Variants in CDH13 observed in about 807,000 individuals in gnomAD.
CDH13 encodes the protein cadherin 13, also known as cadherin-13.
In CDH13, 24 loss-of-function variants were observed where a neutral mutation model predicts 63.8. The ratio of observed to expected loss-of-function variants is 0.38; its 90% CI spans 0.27 to 0.53. CDH13 has a LOEUF of 0.53. CDH13 is among the 20% of genes least tolerant of loss of function. The pLI is 0.85. For missense variants in CDH13, 1,049 were observed against 903.1 expected (o/e 1.16, Z -2.07); for synonymous variants, 503 against 355.3 (o/e 1.42, Z -4.67).
chr16:82,942,403 A>G (rs1904299876), intron 2 of CDH13, among the ~76,000 whole-genome samples: 1 of 152,198 alleles, frequency 6.6e-6, no homozygotes, highest in Non-Finnish European at 1.5e-5. Flanking sequence ...AATTTTAATC[A>G]TCTTCCTTTT....
intron 7 of CDH13, among the ~76,000 whole-genome samples, chr16:83,557,590 G>A (rs905106437): frequency 1.3e-5 from 2 of 152,086 alleles, no homozygotes; most frequent in African/African-American, 2.4e-5. Context: ...TCTAAAAGTC[G>A]GCCATCAGGC....
intron 2 of CDH13, among the ~76,000 whole-genome samples, chr16:82,887,110 T>C (rs1372022947): frequency 6.6e-6 from 1 of 152,180 alleles, no homozygotes; most frequent in Non-Finnish European, 1.5e-5. Context: ...GATTTCTCTT[T>C]AATATAGGGA....
intron 7 of CDH13, among the ~76,000 whole-genome samples, chr16:83,494,716 T>G (rs1387273816): frequency 6.6e-6 from 1 of 152,204 alleles, no homozygotes; most frequent in Non-Finnish European, 1.5e-5. Flanking sequence ...ACACTTAGAT[T>G]AAGGCAAACT....
chr16:82,835,748 G>T (rs2038741073), intron 1 of CDH13, among the ~76,000 whole-genome samples: 1 of 152,194 alleles, frequency 6.6e-6, no homozygotes, highest in South Asian at 2.1e-4. Flanking sequence ...ACAGGAGGAA[G>T]CCAGAAGTGC....
chr16:83,099,443 C>T (rs1036951168), intron 3 of CDH13, among the ~76,000 whole-genome samples: 17 of 151,680 alleles, frequency 1.1e-4, no homozygotes, highest in Non-Finnish European at 5.9e-5. Context: ...CCTGCCTCAG[C>T]CTCCAGAGTA....
chr16:82,700,640 C>A (rs1173353886), intron 1 of CDH13, among the ~76,000 whole-genome samples: 1 of 152,038 alleles, frequency 6.6e-6, no homozygotes, highest in Non-Finnish European at 1.5e-5. Context: ...CTCAGGTTTT[C>A]AGTCCTGTCC....
At chr16:82,789,722 A>G (rs2036194835) in intron 1 of CDH13, among the ~76,000 whole-genome samples, 1 of 152,162 alleles carries the variant, frequency 6.6e-6, no homozygotes, top group Admixed American at 6.5e-5. Flanking sequence ...CTATTTTTAC[A>G]CAGTGTGAAG....
chr16:82,937,864 T>C (rs571480267), intron 2 of CDH13, among the ~76,000 whole-genome samples: 3 of 152,318 alleles, frequency 2.0e-5, no homozygotes, highest in African/African-American at 7.2e-5. Context: ...TCTAAACAGC[T>C]GATTAAAGTA....
intron 3 of CDH13, among the ~76,000 whole-genome samples, chr16:83,118,989 A>G (rs142495760): frequency 5.5e-4 from 84 of 152,208 alleles, no homozygotes; most frequent in Non-Finnish European, 9.9e-4. Flanking sequence ...ACTTCTTTCC[A>G]TAGCTCTCCT....
At chr16:82,805,359 A>G (rs2037089044) in intron 1 of CDH13, among the ~76,000 whole-genome samples, 1 of 152,202 alleles carries the variant, frequency 6.6e-6, no homozygotes, top group South Asian at 2.1e-4. Flanking sequence ...TTTGATGATT[A>G]GAAATTTTTT....
At chr16:83,284,220 A>T (rs1287949800) in intron 5 of CDH13, among the ~76,000 whole-genome samples, 2 of 152,184 alleles carry the variant, frequency 1.3e-5, no homozygotes, top group African/African-American at 4.8e-5. Context: ...TCGGCTTCTC[A>T]CTTGGATTTT....
intron 7 of CDH13, among the ~76,000 whole-genome samples, chr16:83,529,895 C>T (rs536186144): frequency 4.6e-5 from 7 of 152,116 alleles, no homozygotes; most frequent in South Asian, 2.1e-4. Flanking sequence ...AATAAAATAA[C>T]GTTATTAAAA....
chr16:83,339,903 A>G (rs1455993085), intron 5 of CDH13, among the ~76,000 whole-genome samples: 2 of 152,202 alleles, frequency 1.3e-5, no homozygotes, highest in African/African-American at 4.8e-5. Context: ...CCATAGGCCC[A>G]CTGTGATAAA....
At chr16:82,790,115 T>G (rs1044697185) in intron 1 of CDH13, among the ~76,000 whole-genome samples, 1 of 152,036 alleles carries the variant, frequency 6.6e-6, no homozygotes, top group Non-Finnish European at 1.5e-5. Context: ...ACACCCCCCC[T>G]CGCAACACAC....
intron 1 of CDH13, among the ~76,000 whole-genome samples, chr16:82,709,705 T>C (rs570508041): frequency 6.6e-6 from 1 of 151,966 alleles, no homozygotes; most frequent in Non-Finnish European, 1.5e-5. Context: ...GCTTAGCTTG[T>C]TTAACCTGGA....
intron 2 of CDH13, among the ~76,000 whole-genome samples, chr16:82,999,436 C>G (rs145069173): frequency 1.5e-3 from 229 of 150,606 alleles, no homozygotes; most frequent in African/African-American, 5.4e-3. Context: ...ATATCATAAC[C>G]ACATAACACA....
At chr16:83,252,025 C>CA (rs2151826004) in intron 5 of CDH13, among the ~76,000 whole-genome samples, 1 of 150,898 alleles carries the variant, frequency 6.6e-6, no homozygotes, top group Admixed American at 6.6e-5. Context: ...GATTTTTAAG[C>CA]TCCGAGATTA....
At chr16:83,700,319 G>C (rs192741542) in intron 10 of CDH13, among the ~76,000 whole-genome samples, 1 of 152,170 alleles carries the variant, frequency 6.6e-6, no homozygotes, top group Non-Finnish European at 1.5e-5. Flanking sequence ...TCCCCACCTC[G>C]AAAGAACTTC....
chr16:83,716,777 C>T (rs112368044), intron 10 of CDH13, among the ~76,000 whole-genome samples: 17,319 of 152,230 alleles, frequency 0.11, 1,220 homozygotes, highest in Admixed American at 0.16. Context: ...CCACCGCACC[C>T]GCCCTGGCCT....
Sources: allele counts gnomAD v4.1 joint callset (sites outside exome capture counted in the v4.1 genomes callset), GRCh38; gene constraint gnomAD v4.1.1; transcripts MANE v1.5; gene names NCBI Gene and HGNC (gene_info 2026-07-23, HGNC 2026-07-21).